Variants in PGC observed in about 807,000 individuals in gnomAD.
PGC encodes gastricsin.
Under a neutral mutation model 45.9 loss-of-function variants are expected in PGC, and 31 were observed. The observed-to-expected ratio is 0.67, with a 90% confidence interval of 0.51 to 0.91. The LOEUF (loss-of-function observed/expected upper bound fraction) is 0.91, where lower values mean the gene tolerates loss of function less well. Ranked by LOEUF, PGC falls within the 40% of genes least tolerant of loss-of-function variation. The pLI is 0.00. For missense variants in PGC, 477 were observed against 493.2 expected (o/e 0.97, Z 0.31); for synonymous variants, 192 against 201.8 (o/e 0.95, Z 0.41).
chr6:41,741,696 G>C, intron 5 of PGC: 1 of 768,500 alleles, frequency 1.3e-6, no homozygotes, highest in Non-Finnish European at 2.1e-6. Flanking sequence ...TAATTCTGAA[G>C]AAGAACAAAG....
chr6:41,738,349 CG>C (rs1771756053), intron 7 of PGC, among the ~76,000 whole-genome samples: 1 of 150,870 alleles, frequency 6.6e-6, no homozygotes, highest in South Asian at 2.1e-4. Flanking sequence ...CAGATCTGGC[CG>C]GGCATGGTGG....
rs767714427 is a variant in PGC at position 41,739,963 on chromosome 6, C to T, written c.768-17G>A. 10 of 1,610,576 alleles carry T rather than the reference C, an allele frequency of 6.2e-6. No homozygotes were observed. The South Asian group carries it at 1.1e-4, about 18-fold the overall frequency. On this transcript the variant is annotated splice_polypyrimidine_tract_variant and intron_variant, in intron 6 of 8. Coordinates refer to ENST00000373025, the MANE Select transcript of PGC (RefSeq NM_002630.4). ...ATGAGGAACCTGTATGGGGAGAAGA[C>T]AGGCAGCCTCAGGACTCCCCCAGTT...
At chr6:41,740,375 C>T in intron 6 of PGC, 116 bp downstream of exon 6, 1 of 1,337,350 alleles carries the variant, frequency 7.5e-7, no homozygotes, top group Non-Finnish European at 1.0e-6. Flanking sequence ...TAGGAGTAAG[C>T]CTCAGGGGTC....
In PGC at chr6:41,744,775, C is replaced by G; in HGVS notation, c.93G>C (p.Glu31Asp). 1 of 1,614,162 alleles carries G rather than the reference C, an allele frequency of 6.2e-7. No homozygotes were observed. The highest frequency in any genetic ancestry group is 8.5e-7 in the Non-Finnish European group (1 of 1,180,000). Residue 31 changes from glutamate to aspartate, a missense_variant, in exon 2 of 9, where the codon GAG becomes GAC. Glu to Asp is a conservative substitution (Grantham distance 45). Coordinates refer to ENST00000373025, the MANE Select transcript of PGC (RefSeq NM_002630.4). The surrounding 1 kb of genome is among the most constrained non-coding windows in gnomAD (Gnocchi z 4.4). ...VPLKKFKSIR[E>D]TMKEKGLLGE... ...CCAGCAAGCCCTTCTCCTTCATGGT[C>G]TCACGGATAGACTTAAATTTCTTCA...
chr6:41,740,867 G>A (rs567970567), intron 5 of PGC: 1 of 1,432,670 alleles, frequency 7.0e-7, no homozygotes, highest in African/African-American at 1.4e-5. Context: ...CCCTCAGACT[G>A]GGGCTCCCTG....
chr6:41,743,392 G>T lies in PGC; in HGVS notation c.329-3C>A, dbSNP rs760176191. 1.3e-6 allele frequency: 2 copies of T among 1,588,252 alleles called. No homozygotes were observed. Among genetic ancestry groups the T allele is most frequent in the South Asian group, 1.1e-5 (1 of 90,524 alleles). On this transcript the variant is annotated splice_polypyrimidine_tract_variant and splice_region_variant and intron_variant, in intron 3 of 8. Coordinates refer to ENST00000373025, the MANE Select transcript of PGC (RefSeq NM_002630.4). ...GGGGTTGAAGCGGGAGTGACTGGCTGCAGGGGAGTCAGGGCATGGGGAGTC... is the reference window on the plus strand; with the variant it reads ...GGGGTTGAAGCGGGAGTGACTGGCTTCAGGGGAGTCAGGGCATGGGGAGTC...
Position 41,744,336 on chromosome 6 carries a change from C to T in PGC, c.328+61G>A. On this transcript the variant is annotated intron_variant, in intron 3 of 8. Transcript: ENST00000373025. This position sits in a 1 kb window ranked among gnomAD's most constrained non-coding sequence, Gnocchi z 4.4. ...AGCTCCCTCTGGAAGTTTGGCCCTC[C>T]CCAGAGGGTATCAGTGCCTTGCCCT... 8.0e-7 allele frequency: 1 copy of T among 1,248,942 alleles called. No individual in the cohort carries two copies. Among genetic ancestry groups the T allele is most frequent in the South Asian group, 1.3e-5 (1 of 76,842 alleles). 77.4% of individuals were successfully genotyped at this position (1,248,942 alleles called of 1,614,324 possible).
chr6:41,742,240 C>T (rs774118227), intron 5 of PGC, 50 bp downstream of exon 5: 13 of 1,535,606 alleles, frequency 8.5e-6, no homozygotes, highest in South Asian at 6.7e-5. Flanking sequence ...TCGTCCAGGG[C>T]GGCCGGGGGA....
intron 7 of PGC, among the ~76,000 whole-genome samples, chr6:41,739,312 C>T (rs147271518): frequency 1.3e-5 from 2 of 152,238 alleles, no homozygotes; most frequent in Admixed American, 1.3e-4. Flanking sequence ...AGCAACTGGC[C>T]CCGCCTGAAC....
At chr6:41,740,938 T>C (rs996937681) in intron 5 of PGC, 1 of 1,494,552 alleles carries the variant, frequency 6.7e-7, no homozygotes, top group African/African-American at 1.4e-5. Context: ...TCCCTTAGAC[T>C]GGGGCTTTCT....
At chr6:41,740,959 T>C (rs1203205114) in intron 5 of PGC, 1 of 1,510,848 alleles carries the variant, frequency 6.6e-7, no homozygotes, top group Non-Finnish European at 8.8e-7. Context: ...GGCCAGGCCT[T>C]GGAATTCCCA....
chr6:41,738,032 T>G (rs1327727331), intron 7 of PGC, among the ~76,000 whole-genome samples: 1 of 151,404 alleles, frequency 6.6e-6, no homozygotes, highest in Non-Finnish European at 1.5e-5. Context: ...GGGTGTGATT[T>G]GGAGTGATCC....
At position 41,743,402 on chromosome 6, in the gene PGC, C is replaced by A. The variant is rs376500640; in HGVS notation, c.329-13G>T. ...CGGGAGTGACTGGCTGCAGGGGAGT[C>A]AGGGCATGGGGAGTCAGGCCGGCTG... On this transcript the variant is annotated splice_polypyrimidine_tract_variant and intron_variant, in intron 3 of 8. Coordinates refer to ENST00000373025, the MANE Select transcript of PGC (RefSeq NM_002630.4). 6.4e-6 allele frequency: 10 copies of A among 1,561,098 alleles called. No individual in the cohort carries two copies. Among genetic ancestry groups the A allele is most frequent in the Non-Finnish European group, 8.8e-6 (10 of 1,132,068 alleles).
At chr6:41,747,173 C>G in intron 1 of PGC, 103 bp downstream of exon 1, 1 of 948,850 alleles carries the variant, frequency 1.1e-6, no homozygotes, top group Non-Finnish European at 1.7e-6. Flanking sequence ...AGCAGAAGTC[C>G]CAGAGTAGAG....
chr6:41,742,472 G>A lies in PGC; in HGVS notation c.465C>T (p.Val155=). The change falls in exon 5 of 9, where the codon GTC becomes GTT. Residue 155 remains valine, a synonymous_variant. Transcript: ENST00000373025. The part of the protein sequence containing the change: ...YDTLTVQSIQ[V]PNQEFGLSEN... ...CACTCAAGCCGAACTCCTGGTTGGG[G>A]ACCTGGATGCTCTGGACCTAATGGA... 1 of 1,614,076 alleles carries A rather than the reference G, an allele frequency of 6.2e-7. No individual in the cohort carries two copies. Among genetic ancestry groups the A allele is most frequent in the South Asian group, 1.1e-5 (1 of 91,080 alleles).
intron 7 of PGC, among the ~76,000 whole-genome samples, chr6:41,739,482 G>A (rs1456108494): frequency 6.6e-6 from 1 of 151,564 alleles, no homozygotes; most frequent in Non-Finnish European, 1.5e-5. Flanking sequence ...GCAATAGTGA[G>A]ATCACGGCTC....
rs773387166 is a variant in PGC, at chr6:41,744,614, C to T, written c.210+44G>A. The T allele has an allele frequency of 2.5e-5, 41 of 1,609,032 alleles. No individual in the cohort carries two copies. The highest frequency in any genetic ancestry group is 2.8e-5 in the Non-Finnish European group (33 of 1,176,050). ...AAGGGACCTGCCCCTTCCCTCCAGCCCACACCAGAGAGAAGGCTACCGCCA... is the reference window on the plus strand; with the variant it reads ...AAGGGACCTGCCCCTTCCCTCCAGCTCACACCAGAGAGAAGGCTACCGCCA... On this transcript the variant is annotated intron_variant, in intron 2 of 8. Transcript: ENST00000373025. This position sits in a 1 kb window ranked among gnomAD's most constrained non-coding sequence, Gnocchi z 4.4.
chr6:41,741,713 A>T, intron 5 of PGC: 1 of 860,328 alleles, frequency 1.2e-6, no homozygotes, highest in Non-Finnish European at 1.8e-6. Flanking sequence ...AAAGAAAAGC[A>T]GGCCCCAGGC....
intron 1 of PGC, among the ~76,000 whole-genome samples, chr6:41,745,550 T>C (rs866249650): frequency 0.039 from 5,094 of 131,190 alleles, 361 homozygotes; most frequent in African/African-American, 0.13. Context: ...GGATATGTAG[T>C]TTTTTTTTTT....
Sources: allele counts gnomAD v4.1 joint callset (sites outside exome capture counted in the v4.1 genomes callset), GRCh38; gene constraint gnomAD v4.1.1; non-coding constraint Gnocchi (gnomAD v3.1); transcripts MANE v1.5; gene names NCBI Gene and HGNC (gene_info 2026-07-23, HGNC 2026-07-21).